CHN1: variants seen among roughly 807,000 people sequenced by gnomAD.
The protein encoded by CHN1 is chimerin 1, also known as N-chimaerin.
A neutral mutation model predicts 59.5 loss-of-function variants in CHN1; 37 were observed. The observed-to-expected ratio is 0.62, with a 90% CI of 0.48 to 0.82. The LOEUF is 0.82. Ranked by LOEUF, CHN1 falls within the 40% of genes least tolerant of loss-of-function variation. CHN1 has a pLI of 0.00. For missense variants in CHN1, 469 were observed against 571.0 expected (o/e 0.82, Z 1.82); for synonymous variants, 206 against 200.4 (o/e 1.03, Z -0.24).
intron 1 of CHN1, among the ~76,000 whole-genome samples, chr2:174,971,578 C>A (rs1338348869): frequency 6.6e-6 from 1 of 152,144 alleles, no homozygotes; most frequent in African/African-American, 2.4e-5. Context: ...GCACTGAACA[C>A]TTACAATGTG....
At chr2:174,973,007 A>G (rs1690806268) in intron 1 of CHN1, among the ~76,000 whole-genome samples, 1 of 152,218 alleles carries the variant, frequency 6.6e-6, no homozygotes, top group Non-Finnish European at 1.5e-5. Flanking sequence ...AAAGAAAATT[A>G]AAGCTTTCAT....
At chr2:174,824,631 TG>T in intron 7 of CHN1, 113 bp from the exon 8 acceptor site, 69 of 488,974 alleles carry the variant, frequency 1.4e-4, no homozygotes, top group Middle Eastern at 4.7e-4. Flanking sequence ...TATATATATA[TG>T]AGAGAAAGAG....
At chr2:174,868,284 A>G (rs1007597612) in intron 6 of CHN1, among the ~76,000 whole-genome samples, 7 of 152,228 alleles carry the variant, frequency 4.6e-5, no homozygotes, top group African/African-American at 1.7e-4. Context: ...AGTGCAAATG[A>G]AATATTTCTA....
intron 1 of CHN1, among the ~76,000 whole-genome samples, chr2:174,983,700 C>T (rs955889009): frequency 6.6e-6 from 1 of 151,998 alleles, no homozygotes. Flanking sequence ...TGGTGGCATG[C>T]GCCTGTAGTC....
intron 5 of CHN1, among the ~76,000 whole-genome samples, chr2:174,879,442 T>C (rs1482139566): frequency 6.6e-6 from 1 of 152,214 alleles, no homozygotes; most frequent in Non-Finnish European, 1.5e-5. Flanking sequence ...TTAGTAACAA[T>C]CAAATTTTGA....
At chr2:174,801,584 A>G in intron 12 of CHN1, 123 bp downstream of exon 12, 1 of 666,378 alleles carries the variant, frequency 1.5e-6, no homozygotes, top group Admixed American at 2.7e-5. Context: ...CACAAAAGAC[A>G]ATATAGCTAT....
rs987349815 is a variant in CHN1 at position 174,798,812 on chromosome 2, G to C, written c.*1304C>G. Reference sequence around the variant, plus strand: ...ATTTTTGGAATAATCTTCAAAGTTTGAACATGTGTCTTTTATTGTTAAAAA... The same window carrying C: ...ATTTTTGGAATAATCTTCAAAGTTTCAACATGTGTCTTTTATTGTTAAAAA... On this transcript the variant is annotated 3_prime_UTR_variant, in exon 13 of 13. Coordinates refer to ENST00000409900, the MANE Select transcript of CHN1 (RefSeq NM_001822.7). Among the ~76,000 whole-genome samples the C allele has an allele frequency of 7.2e-5, 11 of 152,200 alleles. No individual in the cohort carries two copies. The highest frequency in any genetic ancestry group is 2.7e-4 in the African/African-American group (11 of 41,448).
At chr2:174,937,330 G>A (rs1013902327) in intron 3 of CHN1, among the ~76,000 whole-genome samples, 3 of 152,152 alleles carry the variant, frequency 2.0e-5, no homozygotes, top group Non-Finnish European at 4.4e-5. Flanking sequence ...TTTGTAAGCT[G>A]TGATACAATA....
At chr2:174,950,336 A>G (rs930713181) in intron 2 of CHN1, among the ~76,000 whole-genome samples, 7 of 150,670 alleles carry the variant, frequency 4.6e-5, no homozygotes, top group African/African-American at 1.7e-4. Context: ...GTGCGATCTC[A>G]GCTCACTGTA....
At chr2:174,945,925 G>GTATA (rs1437195574) in intron 2 of CHN1, among the ~76,000 whole-genome samples, 5,967 of 150,348 alleles carry the variant, frequency 0.04, 442 homozygotes, top group African/African-American at 0.14. Context: ...GTGTGTGTGT[G>GTATA]TGTGTGTATA....
intron 7 of CHN1, among the ~76,000 whole-genome samples, chr2:174,831,884 T>C (rs1012257953): frequency 3.3e-5 from 5 of 152,178 alleles, no homozygotes; most frequent in African/African-American, 9.6e-5. Context: ...GGTTATATTA[T>C]GTAGGTACAA....
At chr2:174,986,622 G>GT (rs55894620) in intron 1 of CHN1, among the ~76,000 whole-genome samples, 48,307 of 152,080 alleles carry the variant, frequency 0.32, 8,933 homozygotes, top group Admixed American at 0.45. Context: ...CCTTAAGACA[G>GT]TAAGACCAAC....
chr2:174,800,182 C>G lies in CHN1; in HGVS notation c.1314G>C (p.Leu438Phe), dbSNP rs1684673857. The G allele has an allele frequency of 6.5e-7, 1 of 1,533,436 alleles. No homozygotes were observed. The highest frequency in any genetic ancestry group is 1.4e-5 in the African/African-American group (1 of 72,170). The allele number at this position is 1,533,436 out of a possible 1,614,324, so 95.0% of individuals were successfully genotyped here. ...CCAGTCTCTGATACCGTATATCATT[C>G]AATGCAGCCATGGCGTCTAGTTCTG... Reference protein sequence around the residue: ...RSPELDAMAALNDIRYQRLVV... With the variant: ...RSPELDAMAAFNDIRYQRLVV... The change falls in exon 13 of 13, where the codon TTG (leucine) becomes TTC (phenylalanine). Residue 438 changes from leucine (L) to phenylalanine (F), a missense_variant. Physicochemically the swap from Leu to Phe is conservative, Grantham distance 22. Coordinates refer to ENST00000409900, the MANE Select transcript of CHN1 (RefSeq NM_001822.7).
intron 2 of CHN1, among the ~76,000 whole-genome samples, chr2:174,949,437 AC>A (rs368164398): frequency 9.3e-5 from 14 of 151,274 alleles, no homozygotes; most frequent in African/African-American, 3.2e-4. Flanking sequence ...TCCCACCTCC[AC>A]CTCCCAAGTA....
chr2:174,858,979 TAC>T (rs71407155), intron 6 of CHN1, among the ~76,000 whole-genome samples: 322 of 142,150 alleles, frequency 2.3e-3, no homozygotes, highest in South Asian at 8.3e-3. Context: ...TTTCCTCCTC[TAC>T]ACACACACAC....
chr2:174,816,716 A>G (rs6742938), intron 8 of CHN1, among the ~76,000 whole-genome samples: 3,115 of 152,106 alleles, frequency 0.02, 99 homozygotes, highest in African/African-American at 0.069. Flanking sequence ...TAGTTGATGT[A>G]TATGTTTTGT....
At chr2:174,933,393 G>T (rs982089242) in intron 3 of CHN1, among the ~76,000 whole-genome samples, 13 of 152,132 alleles carry the variant, frequency 8.5e-5, no homozygotes, top group African/African-American at 3.1e-4. Context: ...AAAAATAAAA[G>T]AATGTAGTAT....
intron 8 of CHN1, among the ~76,000 whole-genome samples, chr2:174,820,335 T>C (rs1403305045): frequency 6.6e-6 from 1 of 152,206 alleles, no homozygotes; most frequent in Non-Finnish European, 1.5e-5. Context: ...CACCTGTTGT[T>C]TCCTGACTTT....
At chr2:174,847,662 G>A (rs1686575186) in intron 6 of CHN1, 2 of 1,315,910 alleles carry the variant, frequency 1.5e-6, no homozygotes, top group Non-Finnish European at 2.0e-6. Context: ...CCGTAAGAAA[G>A]GAGATAACCA....
Sources: gnomAD v4.1 joint callset for allele counts (sites outside exome capture counted in the v4.1 genomes callset) on GRCh38, gnomAD v4.1.1 for gene constraint, MANE v1.5 for transcripts, NCBI Gene and HGNC (gene_info 2026-07-23, HGNC 2026-07-21) for gene names.